Variants in HNF4G observed in about 807,000 individuals in gnomAD.
The protein encoded by HNF4G is hepatocyte nuclear factor 4-gamma.
In HNF4G, 21 loss-of-function variants were observed where a neutral mutation model predicts 50.9. The observed-to-expected ratio is 0.41, with a 90% CI of 0.29 to 0.59. The LOEUF (loss-of-function observed/expected upper bound fraction) is 0.59. Ranked by LOEUF, HNF4G falls within the 20% of genes least tolerant of loss-of-function variation. The probability of loss-of-function intolerance (pLI) is 0.26; values close to 1 mark genes in which losing one functional copy is unlikely to be tolerated. For missense variants in HNF4G, 527 were observed against 559.4 expected, an observed-to-expected ratio of 0.94 and a Z score of 0.58; for synonymous variants, 198 against 185.6, an observed-to-expected ratio of 1.07 and a Z score of -0.54.
intron 1 of HNF4G, among the ~76,000 whole-genome samples, chr8:75,439,376 A>G (rs1258485779): frequency 6.6e-6 from 1 of 152,118 alleles, no homozygotes; most frequent in Admixed American, 6.5e-5. Flanking sequence ...AGTAAATTCC[A>G]AAGTACTCTA....
intron 2 of HNF4G, among the ~76,000 whole-genome samples, chr8:75,499,373 G>T (rs2130701454): frequency 6.6e-6 from 1 of 152,082 alleles, no homozygotes; most frequent in East Asian, 1.9e-4. Context: ...TGAGAGAAAT[G>T]GAAGAATTCC....
In HNF4G at chr8:75,506,847, T is replaced by TCAACAACAACAA. The variant is rs35739290; in HGVS notation, c.-24+16657_-24+16668dup. On this transcript the variant is annotated intron_variant, in intron 2 of 10. Transcript: ENST00000354370. Reference sequence around the variant, plus strand: ...GGTAAAGTGCTTTTGTGGCAGATCATCAACAACAACAACAACAACAACAAC... The same window carrying TCAACAACAACAA: ...GGTAAAGTGCTTTTGTGGCAGATCATCAACAACAACAACAACAACAACAACAACAACAACAAC... Among the ~76,000 whole-genome samples the TCAACAACAACAA allele has an allele frequency of 8.7e-3, 1,321 of 151,254 alleles. 14 individuals carry two copies. The highest frequency in any genetic ancestry group is 0.03 in the African/African-American group (1,230 of 41,132).
intron 2 of HNF4G, among the ~76,000 whole-genome samples, chr8:75,532,282 A>T (rs1806347910): frequency 6.6e-6 from 1 of 152,026 alleles, no homozygotes; most frequent in African/African-American, 2.4e-5. Flanking sequence ...TGTTATTTTC[A>T]TATCATTTTC....
intron 9 of HNF4G, 81 bp downstream of exon 9, chr8:75,560,547 G>C: frequency 2.1e-6 from 3 of 1,435,576 alleles, no homozygotes; most frequent in Non-Finnish European, 2.8e-6. Flanking sequence ...GAATCTATTA[G>C]TAACCAGAAA....
At chr8:75,433,908 T>C (rs966229747) in intron 1 of HNF4G, among the ~76,000 whole-genome samples, 1 of 152,156 alleles carries the variant, frequency 6.6e-6, no homozygotes, top group Admixed American at 6.6e-5. Flanking sequence ...AGTCTTTGAC[T>C]TTAGCACAGT....
chr8:75,455,564 T>C (rs1374227381), intron 1 of HNF4G, among the ~76,000 whole-genome samples: 1 of 152,154 alleles, frequency 6.6e-6, no homozygotes, highest in African/African-American at 2.4e-5. Flanking sequence ...TCTGAATAAT[T>C]CAACTTAAAG....
intron 1 of HNF4G, among the ~76,000 whole-genome samples, chr8:75,461,930 T>TATATA: frequency 6.8e-6 from 1 of 146,870 alleles, no homozygotes; most frequent in South Asian, 2.2e-4. Flanking sequence ...ATATATATAT[T>TATATA]TTTTTAGATG....
At chr8:75,409,554 T>C (rs1046383905) in intron 1 of HNF4G, among the ~76,000 whole-genome samples, 4 of 131,182 alleles carry the variant, frequency 3.0e-5, no homozygotes, top group African/African-American at 8.7e-5. Flanking sequence ...AGTGGCACAA[T>C]CTCGGCTCAC....
At chr8:75,552,988 A>T in intron 4 of HNF4G, 54 bp from the exon 5 acceptor site, 4 of 1,293,934 alleles carry the variant, frequency 3.1e-6, no homozygotes. Flanking sequence ...AAAAAAGGGG[A>T]ATGTTGGCCA....
At chr8:75,481,050 A>G (rs1812365718) in intron 1 of HNF4G, among the ~76,000 whole-genome samples, 1 of 152,052 alleles carries the variant, frequency 6.6e-6, no homozygotes, top group Non-Finnish European at 1.5e-5. Context: ...ATGGAATTAG[A>G]TCACTGGTTT....
At chr8:75,436,526 G>A (rs911642250) in intron 1 of HNF4G, among the ~76,000 whole-genome samples, 20 of 152,160 alleles carry the variant, frequency 1.3e-4, no homozygotes, top group Non-Finnish European at 8.8e-5. Flanking sequence ...GATCAGTAGG[G>A]AAAGGGTAGT....
chr8:75,441,268 CAG>C (rs1011219813), intron 1 of HNF4G, among the ~76,000 whole-genome samples: 1 of 145,418 alleles, frequency 6.9e-6, no homozygotes, highest in African/African-American at 2.6e-5. Context: ...TTTTCTGAGA[CAG>C]AGTCTTTCAA....
At chr8:75,430,254 A>G (rs1202743019) in intron 1 of HNF4G, among the ~76,000 whole-genome samples, 6 of 152,204 alleles carry the variant, frequency 3.9e-5, no homozygotes, top group Admixed American at 6.5e-5. Context: ...GAAGTAAGCA[A>G]GATGAATGTC....
chr8:75,491,346 T>C (rs1175588192), intron 2 of HNF4G, among the ~76,000 whole-genome samples: 1 of 152,304 alleles, frequency 6.6e-6, no homozygotes, highest in Non-Finnish European at 1.5e-5. Context: ...TAAATACATG[T>C]TGAGAATAAA....
chr8:75,441,077 T>A (rs1811269552), intron 1 of HNF4G, among the ~76,000 whole-genome samples: 1 of 152,164 alleles, frequency 6.6e-6, no homozygotes, highest in Non-Finnish European at 1.5e-5. Context: ...TTATACACTT[T>A]TAGATTGCAG....
intron 2 of HNF4G, among the ~76,000 whole-genome samples, chr8:75,544,444 A>T (rs1806713756): frequency 6.6e-6 from 1 of 152,192 alleles, no homozygotes; most frequent in Admixed American, 6.5e-5. Context: ...AAGTGCCATT[A>T]CATCCTAGGT....
At chr8:75,494,023 G>C (rs935257220) in intron 2 of HNF4G, among the ~76,000 whole-genome samples, 4 of 151,944 alleles carry the variant, frequency 2.6e-5, no homozygotes, top group African/African-American at 9.7e-5. Context: ...GCATTGTATT[G>C]CTATTTCAAA....
At chr8:75,419,360 A>G (rs1440592590) in intron 1 of HNF4G, among the ~76,000 whole-genome samples, 1 of 152,196 alleles carries the variant, frequency 6.6e-6, no homozygotes, top group African/African-American at 2.4e-5. Context: ...GAGTTTTAGT[A>G]GGAAGCATTG....
At chr8:75,549,737 C>G (rs1396609093) in intron 3 of HNF4G, among the ~76,000 whole-genome samples, 4 of 151,836 alleles carry the variant, frequency 2.6e-5, no homozygotes, top group Non-Finnish European at 5.9e-5. Flanking sequence ...TTAGGTATAT[C>G]TCCTAATGCT....
Sources: allele counts gnomAD v4.1 joint callset (sites outside exome capture counted in the v4.1 genomes callset), GRCh38; gene constraint gnomAD v4.1.1; transcripts MANE v1.5; gene names NCBI Gene and HGNC (gene_info 2026-07-23, HGNC 2026-07-21).